FBXL13: variants seen among roughly 807,000 people sequenced by gnomAD.
FBXL13 encodes F-box and leucine rich repeat protein 13.
A neutral mutation model predicts 83.6 loss-of-function variants in FBXL13; 67 were observed. The ratio of observed to expected loss-of-function variants is 0.80; its 90% confidence interval spans 0.66 to 0.98. The LOEUF (loss-of-function observed/expected upper bound fraction) is 0.98. Among genes scored for constraint, FBXL13 ranks in the 50% least tolerant of loss-of-function variants. The pLI, the probability that FBXL13 is intolerant of heterozygous loss-of-function variation, is 0.00. For missense variants in FBXL13, 822 were observed against 866.5 expected, an observed-to-expected ratio of 0.95 and a Z score of 0.64; for synonymous variants, 272 against 299.5, an observed-to-expected ratio of 0.91 and a Z score of 0.95.
intron 6 of FBXL13, among the ~76,000 whole-genome samples, chr7:102,970,577 C>G (rs974840147): frequency 1.3e-5 from 2 of 152,124 alleles, no homozygotes; most frequent in Non-Finnish European, 2.9e-5. Context: ...CCAGGCCTTA[C>G]AGGATACCCA....
chr7:103,045,814 GTGACCAAA>G (rs1796218541), intron 2 of FBXL13, among the ~76,000 whole-genome samples: 2 of 152,204 alleles, frequency 1.3e-5, no homozygotes, highest in South Asian at 4.1e-4. Flanking sequence ...AGGTGAAAGT[GTGACCAAA>G]ACTTAGGGCC....
intron 11 of FBXL13, among the ~76,000 whole-genome samples, chr7:102,885,077 A>G (rs926139464): frequency 6.6e-6 from 1 of 152,108 alleles, no homozygotes; most frequent in Non-Finnish European, 1.5e-5. Flanking sequence ...TCTTTTGGAT[A>G]TTGAATATCT....
chr7:102,909,619 A>C (rs1323564044), intron 11 of FBXL13, among the ~76,000 whole-genome samples: 2 of 152,102 alleles, frequency 1.3e-5, no homozygotes, highest in East Asian at 3.9e-4. Context: ...TGTTGCCAGG[A>C]CTGGGTCCCT....
chr7:102,822,350 G>T, intron 18 of FBXL13, 147 bp from the exon 20 acceptor site: 2 of 807,760 alleles, frequency 2.5e-6, no homozygotes, highest in Non-Finnish European at 4.2e-6. Flanking sequence ...CTAGAGGCTG[G>T]GAAGTCCAAG....
intron 6 of FBXL13, among the ~76,000 whole-genome samples, chr7:103,023,200 C>T (rs949415547): frequency 5.9e-5 from 9 of 152,062 alleles, no homozygotes; most frequent in Admixed American, 2.6e-4. Flanking sequence ...GCCGTGAAAC[C>T]GGGAGGTGGA....
chr7:103,060,034 A>T (rs544458503), intron 1 of FBXL13, among the ~76,000 whole-genome samples: 1 of 89,770 alleles, frequency 1.1e-5, no homozygotes, highest in African/African-American at 5.1e-5. Flanking sequence ...ATATATATAT[A>T]TATATATATA....
At chr7:102,972,176 G>A (rs1826768147) in intron 6 of FBXL13, among the ~76,000 whole-genome samples, 1 of 152,038 alleles carries the variant, frequency 6.6e-6, no homozygotes, top group Admixed American at 6.5e-5. Flanking sequence ...AATCTAATAA[G>A]TATATGGGTA....
At chr7:102,826,725 A>ATG (rs1799701771) in intron 18 of FBXL13, among the ~76,000 whole-genome samples, 1 of 5,026 alleles carries the variant, frequency 2.0e-4, no homozygotes, top group South Asian at 0.014. Context: ...ACCCTGTCTC[A>ATG]TATATATATA....
At chr7:102,876,051 T>C (rs1370986355) in intron 16 of FBXL13, among the ~76,000 whole-genome samples, 2 of 151,478 alleles carry the variant, frequency 1.3e-5, no homozygotes, top group Non-Finnish European at 2.9e-5. Flanking sequence ...AAGGGGAGGG[T>C]GAGTCATGAG....
rs143315706 is a variant in FBXL13, at chr7:102,877,056, G to C, written c.1635+411C>G. Among the ~76,000 whole-genome samples the C allele has an allele frequency of 3.8e-3, 580 of 152,252 alleles. 5 individuals are homozygous for C. Among genetic ancestry groups the C allele is most frequent in the African/African-American group, 0.014 (572 of 41,544 alleles). ...CCATATCCTTTTGTAGATTTGTTGA[G>C]GCCATTTCTAGAGTTTAGTCTTGAA... On this transcript the variant is annotated intron_variant, in intron 16 of 19. Coordinates refer to ENST00000313221, the Ensembl canonical transcript of FBXL13.
intron 11 of FBXL13, among the ~76,000 whole-genome samples, chr7:102,894,627 C>T (rs1182635757): frequency 6.6e-6 from 1 of 151,122 alleles, no homozygotes; most frequent in African/African-American, 2.4e-5. Context: ...ACTTGGGAGG[C>T]TTGAGGCAGG....
chr7:102,944,776 T>C, intron 8 of FBXL13: 1 of 606,990 alleles, frequency 1.6e-6, no homozygotes, highest in Non-Finnish European at 2.7e-6. Flanking sequence ...ATCAAGAGAA[T>C]GCTATCATCC....
At chr7:102,892,944 G>T (rs971301706) in intron 11 of FBXL13, among the ~76,000 whole-genome samples, 4 of 152,136 alleles carry the variant, frequency 2.6e-5, no homozygotes, top group Non-Finnish European at 5.9e-5. Flanking sequence ...ACACTAAAAA[G>T]TCAGGCTTTT....
intron 16 of FBXL13, among the ~76,000 whole-genome samples, chr7:102,862,342 A>G (rs554701823): frequency 2.0e-5 from 3 of 151,936 alleles, no homozygotes; most frequent in East Asian, 3.9e-4. Context: ...AAAAAAAAAA[A>G]AAAGAAAAGA....
intron 6 of FBXL13, among the ~76,000 whole-genome samples, chr7:103,023,655 A>G (rs1793489040): frequency 6.6e-6 from 1 of 152,248 alleles, no homozygotes; most frequent in South Asian, 2.1e-4. Context: ...TCATTCTACC[A>G]TAAAGACACA....
chr7:103,025,100 C>T (rs747991274), exon 6 of FBXL13: 4 of 1,611,930 alleles, frequency 2.5e-6, no homozygotes, highest in Non-Finnish European at 3.4e-6. Context: ...TGAAATGTCA[C>T]ATTTTAGAGT....
intron 11 of FBXL13, among the ~76,000 whole-genome samples, chr7:102,900,324 T>C (rs900139788): frequency 2.6e-5 from 4 of 152,204 alleles, no homozygotes; most frequent in African/African-American, 9.6e-5. Context: ...CAGTGCCCAG[T>C]ATGCATCAGG....
intron 1 of FBXL13, among the ~76,000 whole-genome samples, chr7:103,058,896 A>G (rs78282811): frequency 0.011 from 1,670 of 152,316 alleles, 35 homozygotes; most frequent in African/African-American, 0.039. Context: ...GGTTGAGAGG[A>G]TAAGTCTCTG....
At chr7:102,895,094 C>G (rs564955646) in intron 11 of FBXL13, among the ~76,000 whole-genome samples, 9 of 152,248 alleles carry the variant, frequency 5.9e-5, no homozygotes, top group Admixed American at 5.2e-4. Flanking sequence ...GGAAGGAGAG[C>G]AGACAAGCAA....
Sources: allele counts gnomAD v4.1 joint callset (sites outside exome capture counted in the v4.1 genomes callset), GRCh38; gene constraint gnomAD v4.1.1; transcripts MANE v1.5; gene names NCBI Gene and HGNC (gene_info 2026-07-23, HGNC 2026-07-21).